The following ENTHD1 variants were observed in gnomAD, a reference collection of about 807,000 sequenced individuals.
ENTHD1 encodes ENTH domain containing 1, also known as ENTH domain-containing protein 1.
In ENTHD1, 23 loss-of-function variants were observed where a neutral mutation model predicts 39.1. That is an observed-to-expected ratio of 0.59 (90% CI 0.42 to 0.83). The LOEUF (loss-of-function observed/expected upper bound fraction) is 0.83. Ranked by LOEUF, ENTHD1 falls within the 40% of genes least tolerant of loss-of-function variation. The pLI, the probability that ENTHD1 is intolerant of heterozygous loss-of-function variation, is 0.00. For missense variants in ENTHD1, 624 were observed against 705.4 expected, an observed-to-expected ratio of 0.88 and a Z score of 1.31; for synonymous variants, 230 against 258.2, an observed-to-expected ratio of 0.89 and a Z score of 1.05.
intron 6 of ENTHD1, among the ~76,000 whole-genome samples, chr22:39,761,522 A>T (rs539744978): frequency 6.6e-6 from 1 of 151,774 alleles, no homozygotes; most frequent in East Asian, 1.9e-4. Context: ...ATTTTTTCTG[A>T]CCCCTATGTC....
Position 39,887,868 on chromosome 22 carries a change from A to G in ENTHD1, c.-120T>C. The stretch of plus-strand genomic sequence containing the variant: ...CCCAGTTCTGCTGCTCCCAAATACA[A>G]ATAATTAATCTCTATGTTGATAAAG... On this transcript the variant is annotated 5_prime_UTR_variant, in exon 2 of 7. Transcript: ENST00000325157. 5 of 651,514 alleles carry G rather than the reference A, an allele frequency of 7.7e-6. No homozygotes were observed. The South Asian group carries it at 1.2e-4, about 16-fold the overall frequency. The allele number at this position is 651,514 out of a possible 1,614,324, so 40.4% of individuals were successfully genotyped here.
rs758270518 is a variant in ENTHD1, at chr22:39,887,607, T to C, written c.142A>G (p.Ile48Val). 1.2e-6 allele frequency: 2 copies of C among 1,614,176 alleles called. No individual in the cohort carries two copies. Among genetic ancestry groups the C allele is most frequent in the Non-Finnish European group, 8.5e-7 (1 of 1,180,030 alleles). ...LDISDLTFNT[I>V]SLSEIMNMLW... ...ATATTCATAATCTCTGAGAGAGAAA[T>C]TGTGTTGAAAGTCAAGTCACTGATA... The change falls in exon 2 of 7, where the codon ATT (isoleucine) becomes GTT (valine). Residue 48 changes from isoleucine (I) to valine (V), a missense_variant. Transcript: ENST00000325157.
At chr22:39,799,823 G>C (rs2065584212) in intron 5 of ENTHD1, among the ~76,000 whole-genome samples, 1 of 152,168 alleles carries the variant, frequency 6.6e-6, no homozygotes, top group Non-Finnish European at 1.5e-5. Context: ...TCTATCACTG[G>C]GGACCCTGTC....
At chr22:39,876,708 C>T (rs1459151775) in intron 2 of ENTHD1, among the ~76,000 whole-genome samples, 1 of 151,936 alleles carries the variant, frequency 6.6e-6, no homozygotes, top group Non-Finnish European at 1.5e-5. Flanking sequence ...AATTATATTT[C>T]AATAAAGTGG....
chr22:39,836,440 A>G (rs2065908351), intron 3 of ENTHD1, among the ~76,000 whole-genome samples: 1 of 152,138 alleles, frequency 6.6e-6, no homozygotes, highest in Admixed American at 6.5e-5. Flanking sequence ...TAGAGTTTGA[A>G]AAAGTGAAAA....
intron 3 of ENTHD1, among the ~76,000 whole-genome samples, chr22:39,857,691 A>G (rs2066105917): frequency 6.6e-6 from 1 of 152,130 alleles, no homozygotes; most frequent in Non-Finnish European, 1.5e-5. Context: ...AGATTACTGC[A>G]ATAAAGCAAA....
intron 6 of ENTHD1, among the ~76,000 whole-genome samples, chr22:39,758,447 G>A (rs2065202939): frequency 6.6e-6 from 1 of 152,024 alleles, no homozygotes; most frequent in Admixed American, 6.6e-5. Flanking sequence ...TTTTGGAGAT[G>A]GGTGTCTTGC....
At chr22:39,871,997 T>C (rs1422639991) in intron 2 of ENTHD1, among the ~76,000 whole-genome samples, 4 of 152,234 alleles carry the variant, frequency 2.6e-5, no homozygotes, top group Non-Finnish European at 4.4e-5. Context: ...CCACCAACCA[T>C]GAGTGCATTG....
At chr22:39,769,107 CAT>C (rs1487827705) in intron 5 of ENTHD1, among the ~76,000 whole-genome samples, 1 of 151,298 alleles carries the variant, frequency 6.6e-6, no homozygotes, top group Non-Finnish European at 1.5e-5. Flanking sequence ...TATATGTACA[CAT>C]ATACACACCG....
At chr22:39,754,994 T>G (rs1455203504) in intron 6 of ENTHD1, among the ~76,000 whole-genome samples, 1 of 152,234 alleles carries the variant, frequency 6.6e-6, no homozygotes, top group African/African-American at 2.4e-5. Context: ...TCATGCACAT[T>G]TTCCACTTCT....
intron 4 of ENTHD1, among the ~76,000 whole-genome samples, chr22:39,832,868 A>G (rs1660910687): frequency 6.6e-6 from 1 of 152,206 alleles, no homozygotes; most frequent in Admixed American, 6.5e-5. Context: ...TGACAAGATA[A>G]CATAGGAAGA....
chr22:39,870,567 C>A (rs2066233961), intron 2 of ENTHD1, among the ~76,000 whole-genome samples: 1 of 151,990 alleles, frequency 6.6e-6, no homozygotes, highest in Non-Finnish European at 1.5e-5. Flanking sequence ...TAAATCTATA[C>A]CAGAAACACT....
At chr22:39,769,973 G>A (rs200816742) in intron 5 of ENTHD1, among the ~76,000 whole-genome samples, 1 of 152,140 alleles carries the variant, frequency 6.6e-6, no homozygotes, top group East Asian at 1.9e-4. Context: ...TATCTTAGAG[G>A]TCTGAGAACT....
intron 5 of ENTHD1, among the ~76,000 whole-genome samples, chr22:39,807,860 G>GGT (rs139730271): frequency 4.6e-5 from 7 of 151,394 alleles, no homozygotes; most frequent in East Asian, 1.9e-4. Context: ...TTGTTTTAGG[G>GGT]GTGTGTGTGT....
At chr22:39,757,701 A>T (rs2065196002) in intron 6 of ENTHD1, among the ~76,000 whole-genome samples, 1 of 152,026 alleles carries the variant, frequency 6.6e-6, no homozygotes. Context: ...AAAAATTTTA[A>T]AATAGGGACA....
At chr22:39,795,985 T>G (rs2065545997) in intron 5 of ENTHD1, among the ~76,000 whole-genome samples, 1 of 152,110 alleles carries the variant, frequency 6.6e-6, no homozygotes, top group East Asian at 1.9e-4. Flanking sequence ...TAGCTAGCAG[T>G]TTATTGGTTT....
At chr22:39,862,136 T>C (rs574925518) in intron 2 of ENTHD1, 129 bp from the exon 3 acceptor site, 2 of 566,576 alleles carry the variant, frequency 3.5e-6, no homozygotes, top group South Asian at 1.2e-4. Context: ...AATAAAGAAC[T>C]ACTGATAAGT....
chr22:39,800,978 G>A (rs975324132), intron 5 of ENTHD1, among the ~76,000 whole-genome samples: 11 of 152,194 alleles, frequency 7.2e-5, no homozygotes, highest in African/African-American at 2.7e-4. Context: ...ATAGGAGTGA[G>A]GCTCAGATGA....
At chr22:39,757,843 T>C (rs1340871263) in intron 6 of ENTHD1, among the ~76,000 whole-genome samples, 3 of 152,134 alleles carry the variant, frequency 2.0e-5, no homozygotes, top group Non-Finnish European at 2.9e-5. Flanking sequence ...GTTCTCATGA[T>C]AGTGAGTGAA....
Sources: gnomAD v4.1 joint callset for allele counts (sites outside exome capture counted in the v4.1 genomes callset) on GRCh38, gnomAD v4.1.1 for gene constraint, MANE v1.5 for transcripts, NCBI Gene and HGNC (gene_info 2026-07-23, HGNC 2026-07-21) for gene names.